The following NT5DC1 variants were observed in gnomAD, a reference collection of about 807,000 sequenced individuals.
The protein encoded by NT5DC1 is 5'-nucleotidase domain containing 1.
In NT5DC1, 42 loss-of-function variants were observed where a neutral mutation model predicts 59.4. The ratio of observed to expected loss-of-function variants is 0.71; its 90% CI spans 0.55 to 0.92. The LOEUF is 0.92. NT5DC1 is among the 40% of genes least tolerant of loss of function. The pLI is 0.00. For synonymous variants in NT5DC1, 172 were observed against 188.1 expected, an observed-to-expected ratio of 0.91 and a Z score of 0.70; for missense variants, 501 against 537.1, an observed-to-expected ratio of 0.93 and a Z score of 0.66.
rs907520113 is a variant in NT5DC1 at position 116,121,892 on chromosome 6, C to T, written c.529+3947C>T. ...TGGTTTTCCTGGTGGTCCAGAAGGA[C>T]CTGGGTGCCCTCGAGGTCCAGCAGG... On this transcript the variant is annotated intron_variant, in intron 6 of 11. Coordinates refer to ENST00000319550, the MANE Select transcript of NT5DC1 (RefSeq NM_152729.3). The T allele has an allele frequency of 1.2e-5, 19 of 1,613,822 alleles. No homozygotes were observed. The highest frequency in any genetic ancestry group is 1.7e-5 in the Admixed American group (1 of 59,996).
At chr6:116,105,791 T>C (rs960075858) in intron 1 of NT5DC1, among the ~76,000 whole-genome samples, 2 of 152,142 alleles carry the variant, frequency 1.3e-5, no homozygotes, top group South Asian at 2.1e-4. Context: ...CTGTATCTGA[T>C]AGAGGCATCA....
intron 4 of NT5DC1, among the ~76,000 whole-genome samples, chr6:116,112,870 G>A (rs2114905111): frequency 6.6e-6 from 1 of 152,226 alleles, no homozygotes; most frequent in East Asian, 1.9e-4. Context: ...TTTTATATTT[G>A]TAGCTTTCTT....
At chr6:116,178,112 T>TGC (rs1158823446) in intron 6 of NT5DC1, among the ~76,000 whole-genome samples, 45 of 90,854 alleles carry the variant, frequency 5.0e-4, no homozygotes, top group East Asian at 1.5e-3. Flanking sequence ...CGTGCGTGCG[T>TGC]GTGTGTGTGT....
intron 1 of NT5DC1, among the ~76,000 whole-genome samples, chr6:116,103,057 A>T (rs886416500): frequency 6.6e-6 from 1 of 152,124 alleles, no homozygotes; most frequent in Non-Finnish European, 1.5e-5. Context: ...CTCATAGCAC[A>T]TGCTGCATGA....
At chr6:116,143,552 T>G (rs1779818126) in intron 6 of NT5DC1, among the ~76,000 whole-genome samples, 1 of 152,182 alleles carries the variant, frequency 6.6e-6, no homozygotes, top group African/African-American at 2.4e-5. Context: ...GTTGAATTTG[T>G]TCTACTACTT....
chr6:116,121,091 T>C (rs753939166), intron 6 of NT5DC1: 1 of 1,613,930 alleles, frequency 6.2e-7, no homozygotes, highest in South Asian at 1.1e-5. Context: ...GGGTCCCATA[T>C]TCCCAGGGGG....
intron 1 of NT5DC1, among the ~76,000 whole-genome samples, chr6:116,105,959 A>G (rs1191396508): frequency 2.6e-5 from 4 of 152,218 alleles, no homozygotes; most frequent in Admixed American, 6.5e-5. Context: ...CAAGTCTTAA[A>G]TTATGATCTC....
rs1430278783 is a variant in NT5DC1, at chr6:116,115,748, G to C, written c.422G>C (p.Arg141Thr). ...FDLPGALLCA[R>T]VVDYLTKLNN... ...CTGCCAGGAGCTCTTCTGTGTGCCA[G>C]GGTGGTGGACTATTTAACAAAAGTA... The change falls in exon 5 of 12, where the codon AGG becomes ACG. Residue 141 changes from arginine to threonine, a missense_variant. Arg to Thr is a moderately conservative substitution (Grantham distance 71). Coordinates refer to ENST00000319550, the MANE Select transcript of NT5DC1 (RefSeq NM_152729.3). The C allele has an allele frequency of 6.3e-7, 1 of 1,593,876 alleles. No homozygotes were observed. Among genetic ancestry groups the C allele is most frequent in the Non-Finnish European group, 8.6e-7 (1 of 1,161,786 alleles).
intron 8 of NT5DC1, among the ~76,000 whole-genome samples, chr6:116,224,482 G>T (rs1781870000): frequency 6.6e-6 from 1 of 152,230 alleles, no homozygotes; most frequent in South Asian, 2.1e-4. Context: ...ATGAGGTACA[G>T]TATATGGGGC....
chr6:116,186,576 T>G (rs2114483962), intron 6 of NT5DC1, among the ~76,000 whole-genome samples: 1 of 152,124 alleles, frequency 6.6e-6, no homozygotes, highest in Admixed American at 6.6e-5. Flanking sequence ...TCATTTTTAT[T>G]TAATTCTTTT....
At chr6:116,102,846 G>A (rs562690366) in intron 1 of NT5DC1, among the ~76,000 whole-genome samples, 1 of 152,344 alleles carries the variant, frequency 6.6e-6, no homozygotes, top group East Asian at 1.9e-4. Flanking sequence ...GTTAGTCTTG[G>A]TCCCTTGTGG....
chr6:116,242,297 C>T (rs941969641), intron 11 of NT5DC1, among the ~76,000 whole-genome samples: 2 of 151,850 alleles, frequency 1.3e-5, no homozygotes, highest in Non-Finnish European at 1.5e-5. Flanking sequence ...GCGGAGATTG[C>T]GCCACTGCAC....
intron 6 of NT5DC1, among the ~76,000 whole-genome samples, chr6:116,159,012 A>C (rs1780271145): frequency 6.6e-6 from 1 of 152,206 alleles, no homozygotes; most frequent in Non-Finnish European, 1.5e-5. Context: ...TAGCTCAAAT[A>C]CAAGTTCTTC....
chr6:116,171,907 C>T (rs913316679), intron 6 of NT5DC1, among the ~76,000 whole-genome samples: 2 of 152,020 alleles, frequency 1.3e-5, no homozygotes, highest in African/African-American at 2.4e-5. Flanking sequence ...AGTTTAAGTC[C>T]GAGAGTGAGA....
chr6:116,185,034 G>A (rs1421135795), intron 6 of NT5DC1, among the ~76,000 whole-genome samples: 3 of 151,954 alleles, frequency 2.0e-5, no homozygotes, highest in Admixed American at 1.3e-4. Flanking sequence ...TGCCTTTGCT[G>A]TATTCTGGAG....
At chr6:116,168,772 A>C (rs193175003) in intron 6 of NT5DC1, among the ~76,000 whole-genome samples, 116 of 152,108 alleles carry the variant, frequency 7.6e-4, no homozygotes, top group Admixed American at 4.3e-3. Context: ...TACAGAGAAA[A>C]ATGTTGAGGT....
At position 116,245,760 on chromosome 6, in the gene NT5DC1, A is replaced by G. The variant is rs1192921657; in HGVS notation, c.*1736A>G. 6.6e-6 allele frequency: 1 copy of G among 151,944 alleles called. No individual in the cohort carries two copies. Among genetic ancestry groups the G allele is most frequent in the Non-Finnish European group, 1.5e-5 (1 of 67,960 alleles). The allele number at this position is 151,944 out of a possible 1,614,324, so 9.4% of individuals were successfully genotyped here. A position where few individuals can be genotyped will look rare whatever the true frequency, so the allele number is the denominator to read the frequency against. The stretch of plus-strand genomic sequence containing the variant: ...TTATGAACTACTGTTAATATGAAAA[A>G]TGAGAAGTCCAAAATAAGAAATAAC... On this transcript the variant is annotated 3_prime_UTR_variant, in exon 12 of 12. Coordinates refer to ENST00000319550, the MANE Select transcript of NT5DC1 (RefSeq NM_152729.3).
rs375829183 is a variant in NT5DC1 at position 116,238,354 on chromosome 6, G to A, written c.1083+6G>A. ...AGAAGAAAGGAAAATATGAGGTAAG[G>A]GTTCCCTGCAGCTCTTTCCTTGAAA... is the stretch of plus-strand genomic sequence containing the variant. On this transcript the variant is annotated splice_donor_region_variant and intron_variant, in intron 10 of 11. Transcript: ENST00000319550. 6.4e-7 allele frequency: 1 copy of A among 1,571,970 alleles called. No homozygotes were observed. Among genetic ancestry groups the A allele is most frequent in the African/African-American group, 1.4e-5 (1 of 72,522 alleles).
Position 116,100,910 on chromosome 6 carries a change from C to T in NT5DC1, c.-21C>T, listed in dbSNP as rs1276326136. 18 of 1,584,982 alleles carry T rather than the reference C, an allele frequency of 1.1e-5. 1 individual carries two copies. The highest frequency in any genetic ancestry group is 1.7e-4 in the Middle Eastern group (1 of 6,002). ...TGCACCCTTCGCGGCCGAGGCGCTC[C>T]CTGGTGCTCCCCGCGCAGCCATGGC... On this transcript the variant is annotated 5_prime_UTR_variant, in exon 1 of 12. Transcript: ENST00000319550.
Sources: allele counts gnomAD v4.1 joint callset (sites outside exome capture counted in the v4.1 genomes callset), GRCh38; gene constraint gnomAD v4.1.1; transcripts MANE v1.5; gene names NCBI Gene and HGNC (gene_info 2026-07-23, HGNC 2026-07-21).